Variants in SLC4A1AP observed in about 807,000 individuals in gnomAD.
SLC4A1AP encodes the protein kanadaptin.
Under a neutral mutation model 89.7 loss-of-function variants are expected in SLC4A1AP, and 64 were observed. That is an observed-to-expected ratio of 0.71 (90% CI 0.58 to 0.88). The LOEUF is 0.88. SLC4A1AP is among the 40% of genes least tolerant of loss of function. The probability of loss-of-function intolerance (pLI) is 0.00; values close to 1 mark genes in which losing one functional copy is unlikely to be tolerated. For synonymous variants in SLC4A1AP, 366 were observed against 353.3 expected (o/e 1.04, Z -0.40); for missense variants, 931 against 965.0 (o/e 0.96, Z 0.47).
exon 13 of SLC4A1AP, chr2:27,693,722 A>T: frequency 6.2e-7 from 1 of 1,612,484 alleles, no homozygotes; most frequent in Non-Finnish European, 8.5e-7. Flanking sequence ...CCTGAAGATG[A>T]CCCAGACTAC....
chr2:27,684,928 A>G (rs1675680212), intron 9 of SLC4A1AP, 109 bp from the exon 10 acceptor site: 1 of 1,319,422 alleles, frequency 7.6e-7, no homozygotes, highest in South Asian at 1.6e-5. Flanking sequence ...GAGTTCATCA[A>G]CCTAAAAAGA....
chr2:27,667,269 A>C, exon 3 of SLC4A1AP: 3 of 1,607,822 alleles, frequency 1.9e-6, no homozygotes, highest in Non-Finnish European at 2.5e-6. Flanking sequence ...ATCCTGTAGG[A>C]GAAGATGCAG....
rs1473759984 is a variant in SLC4A1AP at position 27,664,719 on chromosome 2, C to A, written c.825+142C>A. ...TCAAGTCTGGCCTATCATCTTCAGA[C>A]GGCTGTACACATTGCTATATTTCTG... is the stretch of plus-strand genomic sequence containing the variant. On this transcript the variant is annotated intron_variant, in intron 1 of 13. Transcript: ENST00000613058. The A allele has an allele frequency of 5.1e-5, 34 of 662,100 alleles. No individual in the cohort carries two copies. The East Asian group carries it at 8.1e-4, about 16-fold the overall frequency. 41.0% of individuals were successfully genotyped at this position (662,100 alleles called of 1,614,324 possible).
rs574920714 is a variant in SLC4A1AP, at chr2:27,684,427, C to CAA, written c.1876-594_1876-593dup. Among the ~76,000 whole-genome samples, 681 of 103,744 alleles carry CAA rather than the reference C, an allele frequency of 6.6e-3. 10 individuals are homozygous for CAA. Among genetic ancestry groups the CAA allele is most frequent in the African/African-American group, 0.022 (637 of 29,222 alleles). 68.1% of individuals were successfully genotyped at this position (103,744 alleles called of 152,430 possible). On this transcript the variant is annotated intron_variant, in intron 9 of 13. Transcript: ENST00000613058. The stretch of plus-strand genomic sequence containing the variant: ...TGGGCCACAGAGCAAGACTCTGTCT[C>CAA]AAAAAAAAAAAAAAAAAGATATAAC...
intron 5 of SLC4A1AP, 57 bp from the exon 6 acceptor site, chr2:27,675,471 CTTCT>C: frequency 2.4e-6 from 3 of 1,254,848 alleles, no homozygotes; most frequent in Middle Eastern, 2.3e-4. Flanking sequence ...GCCTACTTGC[CTTCT>C]TTCTTTTTCT....
chr2:27,679,848 G>C (rs1482300750), intron 8 of SLC4A1AP, among the ~76,000 whole-genome samples: 4 of 152,102 alleles, frequency 2.6e-5, no homozygotes, highest in Non-Finnish European at 5.9e-5. Flanking sequence ...AGACTGAATC[G>C]GAGATTCATC....
intron 5 of SLC4A1AP, among the ~76,000 whole-genome samples, chr2:27,672,860 G>T (rs1157604414): frequency 6.6e-6 from 1 of 152,188 alleles, no homozygotes; most frequent in African/African-American, 2.4e-5. Context: ...CCAATCTCCT[G>T]CCTGAAACGA....
At chr2:27,686,619 T>G (rs1675708097) in intron 10 of SLC4A1AP, among the ~76,000 whole-genome samples, 1 of 151,658 alleles carries the variant, frequency 6.6e-6, no homozygotes, top group African/African-American at 2.4e-5. Flanking sequence ...ACAGAAAAAA[T>G]TAGTTGGGCG....
intron 5 of SLC4A1AP, among the ~76,000 whole-genome samples, chr2:27,671,609 A>G (rs1280963035): frequency 6.6e-6 from 1 of 152,198 alleles, no homozygotes; most frequent in Non-Finnish European, 1.5e-5. Context: ...CTGGGACTTA[A>G]CTTTCCTATC....
intron 8 of SLC4A1AP, among the ~76,000 whole-genome samples, chr2:27,681,338 G>C (rs1675616184): frequency 1.3e-5 from 2 of 152,168 alleles, no homozygotes; most frequent in Non-Finnish European, 2.9e-5. Context: ...CTACTAAGGG[G>C]ATAAGACTTA....
chr2:27,677,198 C>A, intron 6 of SLC4A1AP, 97 bp from the exon 7 acceptor site: 1 of 830,102 alleles, frequency 1.2e-6, no homozygotes, highest in Non-Finnish European at 2.0e-6. Flanking sequence ...TTGAATTAAT[C>A]TTCTTAAAAC....
intron 8 of SLC4A1AP, among the ~76,000 whole-genome samples, chr2:27,681,369 G>A (rs1386546289): frequency 6.6e-6 from 1 of 152,172 alleles, no homozygotes; most frequent in Non-Finnish European, 1.5e-5. Context: ...GGCAGTAGTA[G>A]CAAGTGGGGC....
chr2:27,679,502 T>C (rs1409454845), intron 8 of SLC4A1AP, among the ~76,000 whole-genome samples: 1 of 152,062 alleles, frequency 6.6e-6, no homozygotes, highest in African/African-American at 2.4e-5. Flanking sequence ...CTTGGGAGCC[T>C]GAGGCAGGAG....
chr2:27,677,070 C>T (rs1345287077), intron 6 of SLC4A1AP, among the ~76,000 whole-genome samples: 3 of 151,734 alleles, frequency 2.0e-5, no homozygotes, highest in South Asian at 2.1e-4. Flanking sequence ...ACCCGGGAGT[C>T]GGAGGTGGCA....
intron 2 of SLC4A1AP, among the ~76,000 whole-genome samples, chr2:27,666,352 A>ACCAACCCCCCC (rs1558504861): frequency 2.9e-4 from 1 of 3,424 alleles, no homozygotes; most frequent in African/African-American, 6.0e-4. Context: ...CTTGTGATCC[A>ACCAACCCCCCC]CCCCCCACCC....
At chr2:27,663,993 G>T in exon 1 of SLC4A1AP, 1 of 1,614,206 alleles carries the variant, frequency 6.2e-7, no homozygotes. Context: ...AGCTCTGCCG[G>T]TGTCCCCAGC....
At chr2:27,678,271 G>T (rs150659918) in intron 8 of SLC4A1AP, among the ~76,000 whole-genome samples, 1 of 152,090 alleles carries the variant, frequency 6.6e-6, no homozygotes, top group African/African-American at 2.4e-5. Context: ...GAGGCTGGGC[G>T]TAGTGGCTCA....
intron 10 of SLC4A1AP, among the ~76,000 whole-genome samples, chr2:27,687,624 A>C (rs1042614170): frequency 3.3e-5 from 5 of 152,134 alleles, no homozygotes; most frequent in Admixed American, 2.0e-4. Flanking sequence ...GTCATCTCTG[A>C]TTTTTAAAAA....
intron 7 of SLC4A1AP, 53 bp downstream of exon 7, chr2:27,677,417 A>G: frequency 8.4e-7 from 1 of 1,196,132 alleles, no homozygotes; most frequent in Non-Finnish European, 1.2e-6. Context: ...GCTCTATGCT[A>G]GGCACTGGGG....
Sources: allele counts gnomAD v4.1 joint callset (sites outside exome capture counted in the v4.1 genomes callset), GRCh38; gene constraint gnomAD v4.1.1; transcripts MANE v1.5; gene names NCBI Gene and HGNC (gene_info 2026-07-23, HGNC 2026-07-21).